The following PLCB1 variants were observed in gnomAD, a reference collection of about 807,000 sequenced individuals.
The protein encoded by PLCB1 is 1-phosphatidylinositol 4,5-bisphosphate phosphodiesterase beta-1.
In PLCB1, 46 loss-of-function variants were observed where a neutral mutation model predicts 161.8. The observed-to-expected ratio is 0.28, with a 90% CI of 0.22 to 0.36. The LOEUF is 0.36. Among genes scored for constraint, PLCB1 ranks in the 10% least tolerant of loss-of-function variants. The pLI, the probability that PLCB1 is intolerant of heterozygous loss-of-function variation, is 1.00. For missense variants in PLCB1, 1,016 were observed against 1,472.5 expected (o/e 0.69, Z 5.07); for synonymous variants, 517 against 503.7 (o/e 1.03, Z -0.35).
At chr20:8,181,446 A>G (rs2123090750) in intron 2 of PLCB1, among the ~76,000 whole-genome samples, 1 of 152,260 alleles carries the variant, frequency 6.6e-6, no homozygotes, top group African/African-American at 2.4e-5. Flanking sequence ...ACAATACACA[A>G]TTATTTTTTA....
At chr20:8,743,118 CTT>C (rs1242678409) in intron 23 of PLCB1, among the ~76,000 whole-genome samples, 1 of 152,112 alleles carries the variant, frequency 6.6e-6, no homozygotes, top group Non-Finnish European at 1.5e-5. Context: ...GCATCCTTGT[CTT>C]ATTCCAGATC....
intron 3 of PLCB1, among the ~76,000 whole-genome samples, chr20:8,529,789 T>C (rs1165249171): frequency 2.0e-5 from 3 of 152,118 alleles, no homozygotes; most frequent in Non-Finnish European, 4.4e-5. Context: ...ATTACTTTTT[T>C]TGCTATTTCC....
chr20:8,162,160 G>A (rs1255925662), intron 2 of PLCB1, among the ~76,000 whole-genome samples: 1 of 152,054 alleles, frequency 6.6e-6, no homozygotes, highest in Non-Finnish European at 1.5e-5. Flanking sequence ...AATGTTACAG[G>A]TATTAGCTGT....
chr20:8,335,801 A>T (rs1459218681), intron 2 of PLCB1, among the ~76,000 whole-genome samples: 2 of 152,232 alleles, frequency 1.3e-5, no homozygotes, highest in Non-Finnish European at 2.9e-5. Flanking sequence ...CATTGTAGTA[A>T]TTTATGTGAC....
intron 7 of PLCB1, chr20:8,653,453 T>G (rs1293854114): frequency 6.6e-6 from 1 of 152,000 alleles, no homozygotes; most frequent in Non-Finnish European, 1.5e-5. Flanking sequence ...TTATGAGTGA[T>G]TTACTTGTAG....
intron 31 of PLCB1, among the ~76,000 whole-genome samples, chr20:8,881,393 G>A (rs1045925229): frequency 6.6e-6 from 1 of 151,096 alleles, no homozygotes; most frequent in Non-Finnish European, 1.5e-5. Context: ...CTTATTCTGA[G>A]TCTTTAGCCT....
chr20:8,526,786 C>A lies in PLCB1; in HGVS notation c.247-101508C>A, dbSNP rs528790820. On this transcript the variant is annotated intron_variant, in intron 3 of 31. Transcript: ENST00000338037. ...CAGTAATATGGCCAGCTGTGGGCTG[C>A]AATGTTAATATGCACCTACTGTTTC... Among the ~76,000 whole-genome samples the A allele has an allele frequency of 3.3e-5, 5 of 152,130 alleles. No homozygotes were observed. The East Asian group carries it at 9.7e-4, about 29-fold the overall frequency.
chr20:8,313,016 G>A (rs754856010), intron 2 of PLCB1, among the ~76,000 whole-genome samples: 23 of 152,270 alleles, frequency 1.5e-4, no homozygotes, highest in Non-Finnish European at 2.8e-4. Flanking sequence ...TTAATAAAAT[G>A]TGAAAGGAAA....
rs540249368 is a variant in PLCB1 at position 8,195,176 on chromosome 20, A to G, written c.177+44805A>G. On this transcript the variant is annotated intron_variant, in intron 2 of 31. Coordinates refer to ENST00000338037, the MANE Select transcript of PLCB1 (RefSeq NM_015192.4). ...ATGGGCTTTCCTGTGTGCTATTAGTAGAAAATCTTTTAGGAAAATAAGGAA... is the reference window on the plus strand; with the variant it reads ...ATGGGCTTTCCTGTGTGCTATTAGTGGAAAATCTTTTAGGAAAATAAGGAA... 1.5e-4 allele frequency among the ~76,000 whole-genome samples: 23 copies of G among 152,194 alleles called. 1 individual carries two copies. In the South Asian group the frequency reaches 4.8e-3, roughly 32 times the overall value.
At chr20:8,855,512 C>CA (rs543803841) in intron 31 of PLCB1, among the ~76,000 whole-genome samples, 193 of 151,998 alleles carry the variant, frequency 1.3e-3, no homozygotes, top group African/African-American at 4.4e-3. Flanking sequence ...CACTGACACA[C>CA]AAAAAAACAA....
intron 12 of PLCB1, among the ~76,000 whole-genome samples, chr20:8,715,543 C>G (rs1007365456): frequency 5.9e-5 from 9 of 152,198 alleles, no homozygotes; most frequent in Non-Finnish European, 1.3e-4. Context: ...TCAGCAAACC[C>G]TGCAGTGCCA....
At chr20:8,454,092 A>T (rs1314883370) in intron 3 of PLCB1, among the ~76,000 whole-genome samples, 1 of 152,170 alleles carries the variant, frequency 6.6e-6, no homozygotes, top group African/African-American at 2.4e-5. Context: ...CCCTGAAGGC[A>T]CCTTGGTCTT....
chr20:8,260,835 C>T (rs1202735564), intron 2 of PLCB1, among the ~76,000 whole-genome samples: 1 of 152,126 alleles, frequency 6.6e-6, no homozygotes, highest in East Asian at 1.9e-4. Context: ...GTACCAGTTA[C>T]TAGAAACTCA....
chr20:8,140,390 T>C lies in PLCB1; in HGVS notation c.99+7640T>C, dbSNP rs567813639. On this transcript the variant is annotated intron_variant, in intron 1 of 31. Transcript: ENST00000338037. ...TTTGCGGTTCTAGGATTTCACAGCT[T>C]TCAGTCCTAAATATAATAATCATCT... is the stretch of plus-strand genomic sequence containing the variant. Among the ~76,000 whole-genome samples, 536 of 152,336 alleles carry C rather than the reference T, an allele frequency of 3.5e-3. 4 individuals carry two copies. The highest frequency in any genetic ancestry group is 0.012 in the African/African-American group (518 of 41,578).
Position 8,281,134 on chromosome 20 carries a change from A to G in PLCB1, c.178-90248A>G, listed in dbSNP as rs1982856103. On this transcript the variant is annotated intron_variant, in intron 2 of 31. Coordinates refer to ENST00000338037, the MANE Select transcript of PLCB1 (RefSeq NM_015192.4). ...TTGCAAATTAAATAAGTATTGGAAT[A>G]AACAACATTAGCATATTTTTTTCAA... 7.2e-5 allele frequency among the ~76,000 whole-genome samples: 11 copies of G among 152,226 alleles called. No homozygotes were observed. In the South Asian group the frequency reaches 2.3e-3, roughly 31 times the overall value.
chr20:8,233,452 A>G (rs1160036917), intron 2 of PLCB1, among the ~76,000 whole-genome samples: 1 of 152,110 alleles, frequency 6.6e-6, no homozygotes, highest in Admixed American at 6.6e-5. Context: ...TCTCATAACC[A>G]CTTGGTGAGG....
intron 31 of PLCB1, among the ~76,000 whole-genome samples, chr20:8,876,182 A>G (rs541073350): frequency 6.6e-6 from 1 of 152,216 alleles, no homozygotes; most frequent in African/African-American, 2.4e-5. Flanking sequence ...AACTGGGCCT[A>G]TAATAAAACA....
At chr20:8,428,734 A>G (rs980279006) in intron 3 of PLCB1, among the ~76,000 whole-genome samples, 1 of 151,934 alleles carries the variant, frequency 6.6e-6, no homozygotes, top group African/African-American at 2.4e-5. Context: ...ATGAGCTCAC[A>G]TCTCTCGGGG....
chr20:8,141,705 A>G (rs1166256133), intron 1 of PLCB1, among the ~76,000 whole-genome samples: 1 of 152,136 alleles, frequency 6.6e-6, no homozygotes, highest in African/African-American at 2.4e-5. Flanking sequence ...CAGCGTGGAA[A>G]CATGCATGTG....
Sources: gnomAD v4.1 joint callset for allele counts (sites outside exome capture counted in the v4.1 genomes callset) on GRCh38, gnomAD v4.1.1 for gene constraint, MANE v1.5 for transcripts, NCBI Gene and HGNC (gene_info 2026-07-23, HGNC 2026-07-21) for gene names.